The following SDC2 variants were observed in gnomAD, a reference collection of about 807,000 sequenced individuals.
The protein encoded by SDC2 is syndecan-2.
In SDC2, 13 loss-of-function variants were observed where a neutral mutation model predicts 22.2. The ratio of observed to expected loss-of-function variants is 0.59; its 90% confidence interval spans 0.38 to 0.93. The LOEUF is 0.93. SDC2 is among the 40% of genes least tolerant of loss of function. The pLI is 0.00. For missense variants in SDC2, 235 were observed against 246.8 expected (o/e 0.95, Z 0.32); for synonymous variants, 94 against 92.8 (o/e 1.01, Z -0.07).
chr8:96,540,340 G>GTATATATATACATATATATATATA (rs1813826096), intron 1 of SDC2, among the ~76,000 whole-genome samples: 1 of 123,668 alleles, frequency 8.1e-6, no homozygotes, highest in Non-Finnish European at 1.7e-5. Context: ...ATATATATGT[G>GTATATATATACATATATATATATA]TATATATATA....
At chr8:96,498,996 G>C (rs1377938647) in intron 1 of SDC2, among the ~76,000 whole-genome samples, 1 of 152,090 alleles carries the variant, frequency 6.6e-6, no homozygotes, top group Admixed American at 6.5e-5. Context: ...AGACACCTCC[G>C]TGTCCTTGTT....
At position 96,494,132 on chromosome 8, in the gene SDC2, CGAGTCCCCGAGCCT is replaced by C. The variant is rs1563635940; in HGVS notation, c.-136_-123del. On this transcript the variant is annotated 5_prime_UTR_variant, in exon 1 of 5. Transcript: ENST00000302190. ...AGCGAGCGCCCCCGAGCCCCGAGCC[CGAGTCCCCGAGCCT>C]GAGCCGCAATCGCTGCGGTACTCTG... 3.6e-6 allele frequency: 3 copies of C among 823,446 alleles called. No individual in the cohort carries two copies. Among genetic ancestry groups the C allele is most frequent in the East Asian group, 6.5e-5 (2 of 30,788 alleles). 51.0% of individuals were successfully genotyped at this position (823,446 alleles called of 1,614,324 possible). A position where few individuals can be genotyped will look rare whatever the true frequency, so the allele number is the denominator to read the frequency against.
intron 1 of SDC2, among the ~76,000 whole-genome samples, chr8:96,577,772 T>C (rs1489671748): frequency 1.3e-5 from 2 of 152,114 alleles, no homozygotes; most frequent in African/African-American, 4.8e-5. Flanking sequence ...TGGCAACTGC[T>C]CATCTTTGTA....
intron 1 of SDC2, among the ~76,000 whole-genome samples, chr8:96,545,696 CT>C (rs1563656200): frequency 6.6e-6 from 1 of 152,226 alleles, no homozygotes; most frequent in Non-Finnish European, 1.5e-5. Context: ...AGCCACATTC[CT>C]GCCTTCCACC....
intron 2 of SDC2, among the ~76,000 whole-genome samples, chr8:96,600,897 T>G (rs1172508118): frequency 6.6e-6 from 1 of 152,100 alleles, no homozygotes; most frequent in Non-Finnish European, 1.5e-5. Context: ...TGATGTAAAT[T>G]TAGGTATCAT....
intron 1 of SDC2, among the ~76,000 whole-genome samples, chr8:96,546,381 G>C (rs1169949574): frequency 6.6e-6 from 1 of 152,160 alleles, no homozygotes; most frequent in Admixed American, 6.5e-5. Context: ...TTTAGTACTT[G>C]GCTCATTGGG....
chr8:96,575,349 G>T (rs888616420), intron 1 of SDC2, among the ~76,000 whole-genome samples: 7 of 113,316 alleles, frequency 6.2e-5, no homozygotes, highest in African/African-American at 2.4e-4. Context: ...ACCTGTAATT[G>T]CAAACCTGCG....
chr8:96,576,376 TTTGTTTTG>T lies in SDC2; in HGVS notation c.61-17101_61-17094del, dbSNP rs1292412971. 3.3e-4 allele frequency among the ~76,000 whole-genome samples: 22 copies of T among 66,006 alleles called. 1 individual carries two copies. Among genetic ancestry groups the T allele is most frequent in the African/African-American group, 9.7e-4 (17 of 17,576 alleles). 43.3% of individuals were successfully genotyped at this position (66,006 alleles called of 152,430 possible). ...TCAATAATTGGTAGTTTGTTTTTGT[TTTGTTTTG>T]TTTTTTTTTACCAGATTTGCTTTAT... On this transcript the variant is annotated intron_variant, in intron 1 of 4. Transcript: ENST00000302190.
intron 1 of SDC2, among the ~76,000 whole-genome samples, chr8:96,568,871 A>C (rs2130577926): frequency 6.6e-6 from 1 of 152,362 alleles, no homozygotes; most frequent in Middle Eastern, 3.4e-3. Flanking sequence ...GATGTAACCC[A>C]GAGTGCAATG....
chr8:96,537,113 G>T (rs1813766471), intron 1 of SDC2, among the ~76,000 whole-genome samples: 1 of 151,990 alleles, frequency 6.6e-6, no homozygotes, highest in African/African-American at 2.4e-5. Flanking sequence ...GTGTGTAGGG[G>T]GTCTGCTGTA....
At chr8:96,583,393 T>C (rs1563670469) in intron 1 of SDC2, among the ~76,000 whole-genome samples, 2 of 53,136 alleles carry the variant, frequency 3.8e-5, no homozygotes, top group African/African-American at 9.8e-5. Context: ...ATATGACATA[T>C]GTGTGTGTGT....
At chr8:96,531,395 T>C (rs539919763) in intron 1 of SDC2, among the ~76,000 whole-genome samples, 91 of 152,302 alleles carry the variant, frequency 6.0e-4, no homozygotes, top group African/African-American at 2.1e-3. Context: ...TATTAGTAAA[T>C]TATAGATATA....
At position 96,495,563 on chromosome 8, in the gene SDC2, C is replaced by T. The variant is rs116719045; in HGVS notation, c.60+1232C>T. ...CCCTTCTGGTTCCCCACGTCCTCTCCCTTTGCCATTTAATAACGTGTCAAT... is the reference window on the plus strand; with the variant it reads ...CCCTTCTGGTTCCCCACGTCCTCTCTCTTTGCCATTTAATAACGTGTCAAT... On this transcript the variant is annotated intron_variant, in intron 1 of 4. Coordinates refer to ENST00000302190, the MANE Select transcript of SDC2 (RefSeq NM_002998.4). 5.0e-3 allele frequency among the ~76,000 whole-genome samples: 769 copies of T among 152,294 alleles called. 7 individuals carry two copies. The highest frequency in any genetic ancestry group is 0.017 in the African/African-American group (725 of 41,560).
chr8:96,560,331 AT>A lies in SDC2; in HGVS notation c.61-33148del, dbSNP rs1321477318. 3.3e-5 allele frequency among the ~76,000 whole-genome samples: 5 copies of A among 152,370 alleles called. No homozygotes were observed. The South Asian group carries it at 8.3e-4, about 25-fold the overall frequency. ...AAAATTTCTTAACTTTGTGAAATTTATCCCCATATCTGTAGAACATGAATAG... is the reference window on the plus strand; with the variant it reads ...AAAATTTCTTAACTTTGTGAAATTTACCCCATATCTGTAGAACATGAATAG... On this transcript the variant is annotated intron_variant, in intron 1 of 4. Coordinates refer to ENST00000302190, the MANE Select transcript of SDC2 (RefSeq NM_002998.4).
At chr8:96,602,308 A>G (rs535019887) in intron 2 of SDC2, 87 bp from the exon 3 acceptor site, 6 of 1,326,760 alleles carry the variant, frequency 4.5e-6, no homozygotes, top group African/African-American at 2.9e-5. Flanking sequence ...TGATTCTGTC[A>G]GTGTCAACGT....
Position 96,570,033 on chromosome 8 carries a change from G to A in SDC2, c.61-23447G>A, listed in dbSNP as rs553357957. On this transcript the variant is annotated intron_variant, in intron 1 of 4. Transcript: ENST00000302190. ...TTCGTGTGATTTGTTGATCTAACAC[G>A]CAGGATGCTAAGTGCTAGGCATTGT... 3.9e-5 allele frequency among the ~76,000 whole-genome samples: 6 copies of A among 152,190 alleles called. No individual in the cohort carries two copies. In the South Asian group the frequency reaches 1.2e-3, roughly 31 times the overall value.
intron 1 of SDC2, among the ~76,000 whole-genome samples, chr8:96,540,207 A>G (rs111696225): frequency 0.041 from 6,211 of 151,496 alleles, 430 homozygotes; most frequent in African/African-American, 0.14. Flanking sequence ...CTTGACAACT[A>G]TCAGAATTGC....
At chr8:96,560,836 T>C (rs1008598916) in intron 1 of SDC2, among the ~76,000 whole-genome samples, 3 of 152,190 alleles carry the variant, frequency 2.0e-5, no homozygotes, top group African/African-American at 7.2e-5. Flanking sequence ...CCGGGCGTGA[T>C]GGCTCACGCT....
Position 96,494,063 on chromosome 8 carries a change from C to T in SDC2, c.-209C>T. ...CAACAAGTGAGAGGGCGCCGCGTTCCCGGGGCGCAGCTGCGGGCGGCGGGA... is the reference window on the plus strand; with the variant it reads ...CAACAAGTGAGAGGGCGCCGCGTTCTCGGGGCGCAGCTGCGGGCGGCGGGA... On this transcript the variant is annotated 5_prime_UTR_variant, in exon 1 of 5. Coordinates refer to ENST00000302190, the MANE Select transcript of SDC2 (RefSeq NM_002998.4). The T allele has an allele frequency of 3.6e-6, 2 of 557,080 alleles. No individual in the cohort carries two copies. Among genetic ancestry groups the T allele is most frequent in the South Asian group, 4.6e-5 (2 of 43,156 alleles). The allele number at this position is 557,080 out of a possible 1,614,324, so 34.5% of individuals were successfully genotyped here.
Sources: allele counts gnomAD v4.1 joint callset (sites outside exome capture counted in the v4.1 genomes callset), GRCh38; gene constraint gnomAD v4.1.1; transcripts MANE v1.5; gene names NCBI Gene and HGNC (gene_info 2026-07-23, HGNC 2026-07-21).